SV2C: variants seen among roughly 807,000 people sequenced by gnomAD.
SV2C encodes the protein solute carrier family 22 member B3.
Under a neutral mutation model 79.7 loss-of-function variants are expected in SV2C, and 49 were observed. The observed-to-expected ratio is 0.61, with a 90% CI of 0.49 to 0.78. The LOEUF (loss-of-function observed/expected upper bound fraction) is 0.78, where lower values mean the gene tolerates loss of function less well. Among genes scored for constraint, SV2C ranks in the 30% least tolerant of loss-of-function variants. The pLI is 0.00. For synonymous variants in SV2C, 334 were observed against 333.2 expected (o/e 1.00, Z -0.03); for missense variants, 833 against 912.9 (o/e 0.91, Z 1.13).
the SV2C span, among the ~76,000 whole-genome samples, chr5:75,936,266 T>G: frequency 6.6e-6 from 1 of 152,208 alleles, no homozygotes; most frequent in African/African-American, 2.4e-5. Flanking sequence ...AATTCTCCTC[T>G]GGGGACTGTC....
intron 12 of SV2C, among the ~76,000 whole-genome samples, chr5:76,347,496 G>A (rs1211798424): frequency 6.6e-6 from 1 of 152,118 alleles, no homozygotes; most frequent in Non-Finnish European, 1.5e-5. Flanking sequence ...CCAAGCTGGA[G>A]TGCAGGGGTG....
the SV2C span, among the ~76,000 whole-genome samples, chr5:75,857,933 A>G: frequency 6.6e-6 from 1 of 152,140 alleles, no homozygotes; most frequent in African/African-American, 2.4e-5. Flanking sequence ...GAGAAATGCT[A>G]CTCATTTTTG....
At chr5:75,988,812 C>A in the SV2C span, among the ~76,000 whole-genome samples, 1 of 151,914 alleles carries the variant, frequency 6.6e-6, no homozygotes, top group Admixed American at 6.6e-5. Flanking sequence ...CCTATCTATC[C>A]TCCCCCTTTT....
chr5:75,911,199 C>A, the SV2C span: 3 of 1,593,876 alleles, frequency 1.9e-6, no homozygotes, highest in Non-Finnish European at 2.6e-6. Context: ...CCTGCAATGG[C>A]CCTGCCCAGG....
intron 3 of SV2C, among the ~76,000 whole-genome samples, chr5:76,207,653 C>T (rs1028674594): frequency 4.6e-5 from 7 of 152,080 alleles, no homozygotes; most frequent in Non-Finnish European, 1.0e-4. Context: ...CAGCTTACCC[C>T]TTGAAAGGGC....
At chr5:75,967,437 A>C in the SV2C span, among the ~76,000 whole-genome samples, 1 of 152,196 alleles carries the variant, frequency 6.6e-6, no homozygotes, top group South Asian at 2.1e-4. Flanking sequence ...GAAGGGGGTG[A>C]TGGACGGCAC....
chr5:75,981,462 A>G, the SV2C span, among the ~76,000 whole-genome samples: 3 of 152,328 alleles, frequency 2.0e-5, no homozygotes, highest in Admixed American at 2.0e-4. Flanking sequence ...ACCCAACTTC[A>G]AACTATACTA....
intron 6 of SV2C, among the ~76,000 whole-genome samples, chr5:76,286,385 CAA>C (rs1223685250): frequency 6.6e-6 from 1 of 152,086 alleles, no homozygotes; most frequent in African/African-American, 2.4e-5. Flanking sequence ...TCAGCCCCCA[CAA>C]AGGTGTATAC....
chr5:75,877,553 A>G, the SV2C span, among the ~76,000 whole-genome samples: 1 of 151,976 alleles, frequency 6.6e-6, no homozygotes, highest in African/African-American at 2.4e-5. Context: ...AAACAATACA[A>G]AGTATATTAT....
chr5:75,983,467 A>G, the SV2C span, among the ~76,000 whole-genome samples: 3 of 152,104 alleles, frequency 2.0e-5, no homozygotes, highest in Non-Finnish European at 4.4e-5. Flanking sequence ...GAAATGCTGC[A>G]ATCACCGATG....
rs543528559 is a variant in SV2C, at chr5:76,300,124, G to A, written c.1637-605G>A. Among the ~76,000 whole-genome samples the A allele has an allele frequency of 2.1e-4, 31 of 151,176 alleles. No homozygotes were observed. The South Asian group carries it at 5.0e-3, about 25-fold the overall frequency. On this transcript the variant is annotated intron_variant, in intron 10 of 12. Transcript: ENST00000502798. ...GTCATCCAGGCTGGAGTACAGTGGCGCAATCACAGCTCACTGCGGCCTCAA... is the reference window on the plus strand; with the variant it reads ...GTCATCCAGGCTGGAGTACAGTGGCACAATCACAGCTCACTGCGGCCTCAA...
intron 4 of SV2C, among the ~76,000 whole-genome samples, chr5:76,231,802 G>A (rs1233495953): frequency 6.8e-6 from 1 of 146,026 alleles, no homozygotes; most frequent in Non-Finnish European, 1.5e-5. Flanking sequence ...ATTCCATGGT[G>A]TATATGTGCC....
At chr5:76,007,473 A>C in the SV2C span, among the ~76,000 whole-genome samples, 1 of 152,078 alleles carries the variant, frequency 6.6e-6, no homozygotes, top group Non-Finnish European at 1.5e-5. Flanking sequence ...AAAGTTTCTT[A>C]GTTGGGGCTC....
chr5:76,107,500 A>G (rs1037401578), intron 1 of SV2C, among the ~76,000 whole-genome samples: 1 of 152,316 alleles, frequency 6.6e-6, no homozygotes, highest in Non-Finnish European at 1.5e-5. Context: ...TTACATTTTC[A>G]TTTGATACTG....
At chr5:75,942,129 A>G in the SV2C span, among the ~76,000 whole-genome samples, 1 of 152,314 alleles carries the variant, frequency 6.6e-6, no homozygotes, top group East Asian at 1.9e-4. Context: ...GTGAACAAGA[A>G]CTTATCCATG....
chr5:75,959,932 G>A, the SV2C span, among the ~76,000 whole-genome samples: 3 of 152,030 alleles, frequency 2.0e-5, no homozygotes, highest in African/African-American at 7.2e-5. Flanking sequence ...GACAAAATTT[G>A]TAGTAATGTT....
At chr5:76,318,482 G>A (rs925334136) in intron 12 of SV2C, among the ~76,000 whole-genome samples, 20 of 151,944 alleles carry the variant, frequency 1.3e-4, no homozygotes, top group Admixed American at 2.6e-4. Flanking sequence ...CCAATAAATC[G>A]TGAAGGCCCC....
chr5:76,012,026 T>A, the SV2C span, among the ~76,000 whole-genome samples: 1 of 152,376 alleles, frequency 6.6e-6, no homozygotes, highest in East Asian at 1.9e-4. Context: ...GCATTTGGGT[T>A]GGTTCCAAGT....
chr5:76,126,441 T>C (rs963170355), intron 1 of SV2C, among the ~76,000 whole-genome samples: 4 of 152,148 alleles, frequency 2.6e-5, no homozygotes, highest in Non-Finnish European at 5.9e-5. Flanking sequence ...ATCTCAAAGA[T>C]GTGCTCAGTG....
Sources: gnomAD v4.1 joint callset for allele counts (sites outside exome capture counted in the v4.1 genomes callset) on GRCh38, gnomAD v4.1.1 for gene constraint, MANE v1.5 for transcripts, NCBI Gene and HGNC (gene_info 2026-07-23, HGNC 2026-07-21) for gene names.